The following PMEPA1 variants were observed in gnomAD, a reference collection of about 807,000 sequenced individuals.
PMEPA1 encodes the protein prostate transmembrane protein, androgen induced 1.
A neutral mutation model predicts 23.0 loss-of-function variants in PMEPA1; 11 were observed. The ratio of observed to expected loss-of-function variants is 0.48; its 90% CI spans 0.30 to 0.79. The LOEUF (loss-of-function observed/expected upper bound fraction) is 0.79. PMEPA1 is among the 30% of genes least tolerant of loss of function. The pLI is 0.06. For synonymous variants in PMEPA1, 204 were observed against 166.4 expected, an observed-to-expected ratio of 1.23 and a Z score of -1.74; for missense variants, 377 against 390.9, an observed-to-expected ratio of 0.96 and a Z score of 0.30.
chr20:57,697,807 G>A (rs893211156), intron 1 of PMEPA1, among the ~76,000 whole-genome samples: 16 of 152,208 alleles, frequency 1.1e-4, no homozygotes, highest in African/African-American at 2.4e-4. Flanking sequence ...CCCTCTAGAC[G>A]GGAGGACAGT....
chr20:57,680,485 A>G (rs1241756944), intron 1 of PMEPA1, among the ~76,000 whole-genome samples: 1 of 152,234 alleles, frequency 6.6e-6, no homozygotes, highest in Non-Finnish European at 1.5e-5. Context: ...GAAGTCCCCC[A>G]CAGAAAAGAA....
rs1369454501 is a variant in PMEPA1 at position 57,683,809 on chromosome 20, C to T, written c.110-24112G>A. 6.6e-6 allele frequency among the ~76,000 whole-genome samples: 1 copy of T among 151,796 alleles called. No individual in the cohort carries two copies. The highest frequency in any genetic ancestry group is 1.5e-5 in the Non-Finnish European group (1 of 67,976). ...AGCAGCTCTCAGAGTTCTTGGAGTT[C>T]TCGGCCTCCGAAGCACACTGTCCAG... On this transcript the variant is annotated intron_variant, in intron 1 of 3. Coordinates refer to ENST00000341744, the MANE Select transcript of PMEPA1 (RefSeq NM_020182.5). This position sits in a 1 kb window ranked among gnomAD's most constrained non-coding sequence, Gnocchi z 4.3.
At chr20:57,666,202 G>A (rs1404853127) in intron 1 of PMEPA1, among the ~76,000 whole-genome samples, 1 of 152,078 alleles carries the variant, frequency 6.6e-6, no homozygotes, top group Non-Finnish European at 1.5e-5. Flanking sequence ...CGTTGGAGAG[G>A]CCCCATCCTC....
chr20:57,663,705 G>A (rs1219726669), intron 1 of PMEPA1, among the ~76,000 whole-genome samples: 5 of 152,208 alleles, frequency 3.3e-5, no homozygotes, highest in Non-Finnish European at 7.4e-5. Context: ...CAGGCAGAGG[G>A]TATAGGTGAG....
intron 1 of PMEPA1, among the ~76,000 whole-genome samples, chr20:57,685,931 T>A (rs1365345603): frequency 6.6e-6 from 1 of 152,088 alleles, no homozygotes; most frequent in African/African-American, 2.4e-5. Flanking sequence ...GCCCTTCTCA[T>A]ACAAAGGGTC....
intron 1 of PMEPA1, among the ~76,000 whole-genome samples, chr20:57,685,603 G>C (rs561962625): frequency 7.2e-5 from 11 of 152,224 alleles, no homozygotes; most frequent in Admixed American, 5.2e-4. Flanking sequence ...GGACTGGCTG[G>C]GGGGAGGGGG....
upstream of PMEPA1, chr20:57,710,701 G>C: frequency 2.1e-6 from 1 of 475,592 alleles, no homozygotes; most frequent in Admixed American, 4.0e-5. Context: ...TGCTGCCCAA[G>C]GGGCCTCCGG....
In PMEPA1 at chr20:57,709,528, TG is replaced by T; in HGVS notation, c.54del (p.Asn19MetfsTer32). 8.9e-7 allele frequency: 1 copy of T among 1,121,726 alleles called. No homozygotes were observed. Among genetic ancestry groups the T allele is most frequent in the South Asian group, 2.5e-5 (1 of 40,226 alleles). 69.5% of individuals were successfully genotyped at this position (1,121,726 alleles called of 1,614,324 possible). A position where few individuals can be genotyped will look rare whatever the true frequency, so the allele number is the denominator to read the frequency against. On this transcript the variant is annotated frameshift_variant, in exon 1 of 4. Coordinates refer to ENST00000341744, the MANE Select transcript of PMEPA1 (RefSeq NM_020182.5). LOFTEE classifies it high-confidence loss of function. Reference sequence around the variant, plus strand: ...TTGCAGTTGCACGTGCAGGAGACATTGGGCTGCCCGGCGGCGGCGGCGGCGG... The same window carrying T: ...TTGCAGTTGCACGTGCAGGAGACATTGGCTGCCCGGCGGCGGCGGCGGCGG... The part of the protein sequence containing the change: ...NSTAAAAAGQ[P>X]NVSCTCNCKR...
rs1197651551 is a variant in PMEPA1 at position 57,704,476 on chromosome 20, G to A, written c.109+4998C>T. Reference sequence around the variant, plus strand: ...TGTAAAAAGCAAAAAATGGGCCCTCGGCTTCAATCTCCTTCTCTCAGCATG... The same window carrying A: ...TGTAAAAAGCAAAAAATGGGCCCTCAGCTTCAATCTCCTTCTCTCAGCATG... On this transcript the variant is annotated intron_variant, in intron 1 of 3. Coordinates refer to ENST00000341744, the MANE Select transcript of PMEPA1 (RefSeq NM_020182.5). The surrounding 1 kb of genome is among the most constrained non-coding windows in gnomAD (Gnocchi z 4.6). 2.0e-5 allele frequency among the ~76,000 whole-genome samples: 3 copies of A among 152,168 alleles called. No individual in the cohort carries two copies. Among genetic ancestry groups the A allele is most frequent in the Non-Finnish European group, 4.4e-5 (3 of 68,034 alleles).
Position 57,651,766 on chromosome 20 carries a change from A to C in PMEPA1, c.*287T>G, listed in dbSNP as rs1202607316. ...GCATTCACGCACGCAGCTCAACTAG[A>C]AACAAGAAAGACTACTGTAGAAATT... On this transcript the variant is annotated 3_prime_UTR_variant, in exon 4 of 4. Coordinates refer to ENST00000341744, the MANE Select transcript of PMEPA1 (RefSeq NM_020182.5). 1 of 274,330 alleles carries C rather than the reference A, an allele frequency of 3.6e-6. No homozygotes were observed. The highest frequency in any genetic ancestry group is 6.7e-6 in the Non-Finnish European group (1 of 148,372). 17.0% of individuals were successfully genotyped at this position (274,330 alleles called of 1,614,324 possible).
At chr20:57,674,157 G>A (rs918897816) in intron 1 of PMEPA1, among the ~76,000 whole-genome samples, 6 of 152,290 alleles carry the variant, frequency 3.9e-5, no homozygotes, top group South Asian at 4.1e-4. Context: ...ATGTAAAGAC[G>A]GAGCCTCTAG....
intron 2 of PMEPA1, among the ~76,000 whole-genome samples, chr20:57,653,749 G>A (rs960337677): frequency 4.6e-5 from 7 of 152,174 alleles, no homozygotes; most frequent in East Asian, 1.9e-4. Flanking sequence ...CAGGCTGCAC[G>A]GCCCGCTGCT....
At chr20:57,700,574 A>C (rs2071998107) in intron 1 of PMEPA1, among the ~76,000 whole-genome samples, 1 of 152,198 alleles carries the variant, frequency 6.6e-6, no homozygotes, top group South Asian at 2.1e-4. Context: ...GCTGATGGTG[A>C]AGAGTTGGTT....
Position 57,659,666 on chromosome 20 carries a change from G to A in PMEPA1, c.141C>T (p.Ile47=), listed in dbSNP as rs763905030. Residue 47 remains isoleucine, a synonymous_variant, in exon 2 of 4, where the codon ATC becomes ATT. Coordinates refer to ENST00000341744, the MANE Select transcript of PMEPA1 (RefSeq NM_020182.5). ...TELEFVQIII[I]VVVMMVMVVV... is the part of the protein sequence containing the mutation. ...CCACCATCACCATCATCACCACCAC[G>A]ATGATGATGATCTGAACAAACTCCA... is the stretch of plus-strand genomic sequence containing the variant. 51 of 1,596,362 alleles carry A rather than the reference G, an allele frequency of 3.2e-5. No individual in the cohort carries two copies. In the East Asian group the frequency reaches 7.5e-4, roughly 24 times the overall value.
intron 1 of PMEPA1, among the ~76,000 whole-genome samples, chr20:57,662,074 C>CG (rs1288312144): frequency 5.3e-5 from 5 of 94,798 alleles, no homozygotes; most frequent in Non-Finnish European, 1.1e-4. Flanking sequence ...GGGCTCAGCG[C>CG]GCCATTGTCT....
At chr20:57,698,183 T>C (rs1024678226) in intron 1 of PMEPA1, among the ~76,000 whole-genome samples, 3 of 152,180 alleles carry the variant, frequency 2.0e-5, no homozygotes, top group African/African-American at 7.2e-5. Flanking sequence ...AGGAGTGCAT[T>C]GAGCTGCGAT....
chr20:57,705,721 C>A lies in PMEPA1; in HGVS notation c.109+3753G>T, dbSNP rs143382007. 7.1e-4 allele frequency among the ~76,000 whole-genome samples: 108 copies of A among 152,334 alleles called. 1 individual carries two copies. In the East Asian group the frequency reaches 0.015, roughly 20 times the overall value. On this transcript the variant is annotated intron_variant, in intron 1 of 3. Coordinates refer to ENST00000341744, the MANE Select transcript of PMEPA1 (RefSeq NM_020182.5). The stretch of plus-strand genomic sequence containing the variant: ...CAGATGCTGCCCTCTGGCCCTCAAG[C>A]CCCTTAGGAGAAACCACTAACTGAT...
At chr20:57,684,023 C>A (rs1244277310) in intron 1 of PMEPA1, among the ~76,000 whole-genome samples, 1 of 152,182 alleles carries the variant, frequency 6.6e-6, no homozygotes, top group Admixed American at 6.5e-5. Context: ...GCCCCACCCC[C>A]GGCTCCGCAA....
chr20:57,710,548 C>T (rs1364635036), upstream of PMEPA1: 9 of 1,441,674 alleles, frequency 6.2e-6, no homozygotes, highest in South Asian at 1.3e-5. Context: ...GCGCTTTCAC[C>T]CGAACCCAAG....
Sources: gnomAD v4.1 joint callset for allele counts (sites outside exome capture counted in the v4.1 genomes callset) on GRCh38, gnomAD v4.1.1 for gene constraint, Gnocchi (gnomAD v3.1) non-coding constraint, MANE v1.5 for transcripts, NCBI Gene and HGNC (gene_info 2026-07-23, HGNC 2026-07-21) for gene names.